MYO1D: variants seen among roughly 807,000 people sequenced by gnomAD.
MYO1D encodes the protein myosin ID, also known as unconventional myosin-Id.
A neutral mutation model predicts 122.0 loss-of-function variants in MYO1D; 83 were observed. The observed-to-expected ratio is 0.68, with a 90% CI of 0.57 to 0.82. MYO1D has a LOEUF of 0.82. Among genes scored for constraint, MYO1D ranks in the 40% least tolerant of loss-of-function variants. The pLI, the probability that MYO1D is intolerant of heterozygous loss-of-function variation, is 0.00. For missense variants in MYO1D, 1,157 were observed against 1,269.5 expected (o/e 0.91, Z 1.35); for synonymous variants, 464 against 446.9 (o/e 1.04, Z -0.48).
chr17:32,751,327 T>A (rs1251068248), intron 11 of MYO1D, among the ~76,000 whole-genome samples: 1 of 152,140 alleles, frequency 6.6e-6, no homozygotes, highest in African/African-American at 2.4e-5. Context: ...GAATAGCATG[T>A]GTAATAAACA....
chr17:32,819,014 G>C (rs925495216), intron 1 of MYO1D, among the ~76,000 whole-genome samples: 10 of 152,176 alleles, frequency 6.6e-5, no homozygotes, highest in African/African-American at 2.4e-4. Flanking sequence ...ACTAGGATAT[G>C]CCTGGAAAGT....
At chr17:32,820,081 T>C (rs1410924883) in intron 1 of MYO1D, among the ~76,000 whole-genome samples, 1 of 152,148 alleles carries the variant, frequency 6.6e-6, no homozygotes, top group Non-Finnish European at 1.5e-5. Flanking sequence ...ATGGTCACTG[T>C]TCAGTAAGGC....
chr17:32,607,191 T>G (rs1487439586), intron 20 of MYO1D, among the ~76,000 whole-genome samples: 1 of 151,514 alleles, frequency 6.6e-6, no homozygotes, highest in East Asian at 1.9e-4. Context: ...GCATACAGAT[T>G]GAAAAGGAAG....
At chr17:32,866,464 T>A (rs2091125794) in intron 1 of MYO1D, among the ~76,000 whole-genome samples, 1 of 152,190 alleles carries the variant, frequency 6.6e-6, no homozygotes, top group Admixed American at 6.5e-5. Flanking sequence ...CAGTTCTCTA[T>A]CCCAGGTCTG....
At chr17:32,765,418 A>C (rs531041354) in intron 7 of MYO1D, among the ~76,000 whole-genome samples, 1 of 151,900 alleles carries the variant, frequency 6.6e-6, no homozygotes, top group African/African-American at 2.4e-5. Context: ...CTTTCCTCTA[A>C]TGCTTTTATA....
chr17:32,576,655 A>G (rs1473053682), intron 21 of MYO1D, among the ~76,000 whole-genome samples: 5 of 152,068 alleles, frequency 3.3e-5, no homozygotes, highest in Non-Finnish European at 5.9e-5. Flanking sequence ...TTTATTTATG[A>G]ATGAGTGAAT....
chr17:32,653,010 T>C (rs1567930928), intron 19 of MYO1D, among the ~76,000 whole-genome samples: 1 of 151,734 alleles, frequency 6.6e-6, no homozygotes, highest in Non-Finnish European at 1.5e-5. Context: ...GGCATGGTGG[T>C]GGGCGCCTGT....
At chr17:32,505,837 CAG>C (rs1909484803) in intron 21 of MYO1D, among the ~76,000 whole-genome samples, 1 of 152,176 alleles carries the variant, frequency 6.6e-6, no homozygotes, top group African/African-American at 2.4e-5. Context: ...AATGAAAATA[CAG>C]ACTCTTCAAA....
intron 15 of MYO1D, among the ~76,000 whole-genome samples, chr17:32,715,457 C>T (rs1257099527): frequency 6.6e-6 from 1 of 152,006 alleles, no homozygotes; most frequent in Non-Finnish European, 1.5e-5. Context: ...TCTTAGATTC[C>T]ATGACAGCAT....
chr17:32,819,206 GTTTT>G (rs761386488), intron 1 of MYO1D, among the ~76,000 whole-genome samples: 1 of 140,720 alleles, frequency 7.1e-6, no homozygotes, highest in Non-Finnish European at 1.6e-5. Context: ...TTGGTTTCAA[GTTTT>G]TTTTTTTTTT....
intron 1 of MYO1D, among the ~76,000 whole-genome samples, chr17:32,835,145 G>C (rs2151069440): frequency 6.6e-6 from 1 of 151,606 alleles, no homozygotes; most frequent in East Asian, 1.9e-4. Flanking sequence ...TCTGGTTTTT[G>C]GTTTTGCTTT....
chr17:32,791,397 T>G (rs940153820), intron 1 of MYO1D, among the ~76,000 whole-genome samples: 10 of 150,672 alleles, frequency 6.6e-5, no homozygotes, highest in African/African-American at 2.2e-4. Flanking sequence ...AGGATATTGT[T>G]GGGACAACTG....
intron 21 of MYO1D, among the ~76,000 whole-genome samples, chr17:32,598,878 C>A (rs765735905): frequency 1.3e-5 from 2 of 152,086 alleles, no homozygotes; most frequent in Non-Finnish European, 2.9e-5. Context: ...TTTAATTAAG[C>A]GGATATTAAA....
chr17:32,839,913 A>G (rs1268148105), intron 1 of MYO1D, among the ~76,000 whole-genome samples: 2 of 152,254 alleles, frequency 1.3e-5, no homozygotes, highest in Non-Finnish European at 2.9e-5. Context: ...ACATAATGCC[A>G]AAAAGACATA....
chr17:32,870,283 AG>A (rs2091167314), intron 1 of MYO1D, among the ~76,000 whole-genome samples: 1 of 152,186 alleles, frequency 6.6e-6, no homozygotes, highest in South Asian at 2.1e-4. Context: ...GAAGCCAAAA[AG>A]ATTTAGTGTG....
intron 21 of MYO1D, among the ~76,000 whole-genome samples, chr17:32,560,075 T>C (rs943677006): frequency 2.0e-5 from 3 of 152,064 alleles, no homozygotes; most frequent in East Asian, 3.9e-4. Flanking sequence ...ACCAACATGG[T>C]GAAACCCCCA....
intron 16 of MYO1D, among the ~76,000 whole-genome samples, chr17:32,668,006 T>C (rs2088659906): frequency 6.6e-6 from 1 of 152,118 alleles, no homozygotes; most frequent in Non-Finnish European, 1.5e-5. Flanking sequence ...CAAATGAAAA[T>C]AAAATTACTC....
At chr17:32,694,569 C>G (rs956015007) in intron 16 of MYO1D, among the ~76,000 whole-genome samples, 1 of 151,374 alleles carries the variant, frequency 6.6e-6, no homozygotes, top group African/African-American at 2.4e-5. Flanking sequence ...GGCGCGGTGG[C>G]GGGCGCCTGT....
intron 10 of MYO1D, 41 bp downstream of exon 10, chr17:32,760,249 T>C (rs753188871): frequency 4.1e-6 from 6 of 1,455,988 alleles, no homozygotes; most frequent in East Asian, 2.3e-5. Context: ...ATCAATAATA[T>C]GAGAAACACA....
Sources: gnomAD v4.1 joint callset for allele counts (sites outside exome capture counted in the v4.1 genomes callset) on GRCh38, gnomAD v4.1.1 for gene constraint, MANE v1.5 for transcripts, NCBI Gene and HGNC (gene_info 2026-07-23, HGNC 2026-07-21) for gene names.